Variants in DLGAP1 observed in about 807,000 individuals in gnomAD.
The protein encoded by DLGAP1 is DLG associated protein 1, also known as disks large-associated protein 1.
DLGAP1 carries 11 observed loss-of-function variants against 90.8 expected under a neutral mutation model. The observed-to-expected ratio is 0.12, with a 90% confidence interval of 0.08 to 0.20. The LOEUF is 0.20. DLGAP1 is among the 10% of genes least tolerant of loss of function. DLGAP1 has a pLI of 1.00. For synonymous variants in DLGAP1, 558 were observed against 540.7 expected (o/e 1.03, Z -0.44); for missense variants, 1,050 against 1,333.8 (o/e 0.79, Z 3.31).
intron 3 of DLGAP1, among the ~76,000 whole-genome samples, chr18:3,933,156 G>C (rs571139634): frequency 9.4e-4 from 143 of 152,274 alleles, no homozygotes; most frequent in African/African-American, 3.4e-3. Flanking sequence ...TATAGACTTA[G>C]GACTTCTAAC....
At chr18:4,245,852 GCTTGGGGACAGGGCCCCGACTCAT>G (rs1418790629) in intron 1 of DLGAP1, among the ~76,000 whole-genome samples, 71 of 151,736 alleles carry the variant, frequency 4.7e-4, no homozygotes, top group Admixed American at 1.2e-3. Flanking sequence ...AAAGCCAAGG[GCTTGGGGACAGGGCCCCGACTCAT>G]CTTGGGGACA....
chr18:4,312,693 C>T lies in DLGAP1; in HGVS notation c.-267+142313G>A, dbSNP rs189445769. ...ACATAATTGTAGCATTTTATCATTACATTTATCTGTCAGTTTTATTTTACC... is the reference window on the plus strand; with the variant it reads ...ACATAATTGTAGCATTTTATCATTATATTTATCTGTCAGTTTTATTTTACC... On this transcript the variant is annotated intron_variant, in intron 1 of 12. Coordinates refer to ENST00000315677, the MANE Select transcript of DLGAP1 (RefSeq NM_004746.4). 1.5e-4 allele frequency among the ~76,000 whole-genome samples: 23 copies of T among 152,220 alleles called. No homozygotes were observed. In the East Asian group the frequency reaches 4.4e-3, roughly 29 times the overall value.
In DLGAP1 at chr18:3,698,552, TCTG is replaced by T. The variant is rs200094495; in HGVS notation, c.1591+30580_1591+30582del. Among the ~76,000 whole-genome samples the T allele has an allele frequency of 4.3e-3, 662 of 152,314 alleles. 10 individuals are homozygous for T. The highest frequency in any genetic ancestry group is 0.015 in the African/African-American group (640 of 41,570). ...GGCTTGTAGGGTTTCTGCAGAGAGA[TCTG>T]CTGTTAGTCTGATGGGCTTCCCTTT... is the stretch of plus-strand genomic sequence containing the variant. On this transcript the variant is annotated intron_variant, in intron 7 of 12. Coordinates refer to ENST00000315677, the MANE Select transcript of DLGAP1 (RefSeq NM_004746.4).
intron 7 of DLGAP1, among the ~76,000 whole-genome samples, chr18:3,652,834 A>G (rs1392924885): frequency 6.6e-6 from 1 of 152,200 alleles, no homozygotes; most frequent in African/African-American, 2.4e-5. Flanking sequence ...CACAGAACAC[A>G]TGCTGCTTAT....
chr18:4,285,976 C>T lies in DLGAP1; in HGVS notation c.-266-134689G>A, dbSNP rs112246650. ...GATGACTTTTAAAGTAGCCTGGTCC[C>T]GGACTGATAGTAAAATTACCCCACT... On this transcript the variant is annotated intron_variant, in intron 1 of 12. Transcript: ENST00000315677. 2.1e-3 allele frequency among the ~76,000 whole-genome samples: 315 copies of T among 152,224 alleles called. 2 individuals are homozygous for T. Among genetic ancestry groups the T allele is most frequent in the African/African-American group, 7.1e-3 (295 of 41,542 alleles).
chr18:3,685,784 T>G (rs1396176944), intron 7 of DLGAP1, among the ~76,000 whole-genome samples: 1 of 152,058 alleles, frequency 6.6e-6, no homozygotes, highest in Non-Finnish European at 1.5e-5. Flanking sequence ...AAGACAAGAA[T>G]AAACCAAGAA....
Position 3,761,622 on chromosome 18 carries a change from C to T in DLGAP1, c.1173-19110G>A, listed in dbSNP as rs375094439. Reference sequence around the variant, plus strand: ...ACGGAGTCTCACTCTGTTGCCCAGGCTGGAGTGCAGTGGCGTGATCTAGGC... The same window carrying T: ...ACGGAGTCTCACTCTGTTGCCCAGGTTGGAGTGCAGTGGCGTGATCTAGGC... On this transcript the variant is annotated intron_variant, in intron 5 of 12. Transcript: ENST00000315677. 2.6e-5 allele frequency among the ~76,000 whole-genome samples: 4 copies of T among 151,326 alleles called. No homozygotes were observed. The East Asian group carries it at 7.8e-4, about 29-fold the overall frequency.
At chr18:4,340,776 T>C (rs2081172283) in intron 1 of DLGAP1, among the ~76,000 whole-genome samples, 2 of 152,200 alleles carry the variant, frequency 1.3e-5, no homozygotes, top group Non-Finnish European at 2.9e-5. Flanking sequence ...AAGATATTTG[T>C]GCATCCACTT....
At chr18:4,174,353 G>A (rs758671722) in intron 1 of DLGAP1, among the ~76,000 whole-genome samples, 2 of 151,476 alleles carry the variant, frequency 1.3e-5, no homozygotes, top group South Asian at 2.1e-4. Flanking sequence ...TTATTTTTTC[G>A]AGACGGAGTC....
intron 1 of DLGAP1, among the ~76,000 whole-genome samples, chr18:4,200,077 T>A (rs1165641534): frequency 6.6e-6 from 1 of 152,180 alleles, no homozygotes; most frequent in Non-Finnish European, 1.5e-5. Flanking sequence ...TTATCTTGTG[T>A]CTAGTCTGCT....
intron 7 of DLGAP1, among the ~76,000 whole-genome samples, chr18:3,662,320 C>A (rs1881868274): frequency 1.3e-5 from 2 of 152,090 alleles, no homozygotes; most frequent in African/African-American, 4.8e-5. Context: ...AAGGATGTAC[C>A]TCATAGAGTT....
chr18:4,216,917 AC>A (rs1222348000), intron 1 of DLGAP1, among the ~76,000 whole-genome samples: 1 of 152,102 alleles, frequency 6.6e-6, no homozygotes, highest in Non-Finnish European at 1.5e-5. Context: ...ATGAGGATTC[AC>A]CGTTTGTGTT....
chr18:4,175,410 T>C (rs962673367), intron 1 of DLGAP1, among the ~76,000 whole-genome samples: 3 of 152,356 alleles, frequency 2.0e-5, no homozygotes, highest in Admixed American at 2.0e-4. Flanking sequence ...GTGCAGAAGC[T>C]CTTCAGTTTA....
intron 3 of DLGAP1, among the ~76,000 whole-genome samples, chr18:3,994,192 G>C (rs922646673): frequency 1.3e-5 from 2 of 152,150 alleles, no homozygotes; most frequent in African/African-American, 4.8e-5. Context: ...TGCCGAGGGT[G>C]GGGGAGACAG....
intron 2 of DLGAP1, among the ~76,000 whole-genome samples, chr18:4,147,567 A>T (rs911032878): frequency 2.8e-5 from 4 of 142,578 alleles, no homozygotes; most frequent in African/African-American, 1.1e-4. Context: ...CTGTTCATCC[A>T]TTCTTCCATC....
intron 7 of DLGAP1, among the ~76,000 whole-genome samples, chr18:3,592,296 T>C (rs527954846): frequency 6.6e-6 from 1 of 152,252 alleles, no homozygotes; most frequent in Non-Finnish European, 1.5e-5. Flanking sequence ...CCCATAGTTG[T>C]GCACTTAACA....
chr18:3,560,323 G>A (rs148854130), intron 9 of DLGAP1, among the ~76,000 whole-genome samples: 7,174 of 151,420 alleles, frequency 0.047, 236 homozygotes, highest in Middle Eastern at 0.072. Flanking sequence ...GTAGGCTGAG[G>A]CAGGAGAATC....
At chr18:3,628,387 A>T (rs1476140685) in intron 7 of DLGAP1, among the ~76,000 whole-genome samples, 1 of 149,052 alleles carries the variant, frequency 6.7e-6, no homozygotes, top group East Asian at 2.0e-4. Context: ...ACGAGGTTTG[A>T]CCATGTCCGC....
chr18:3,830,821 T>C (rs2067992944), intron 4 of DLGAP1, among the ~76,000 whole-genome samples: 1 of 152,220 alleles, frequency 6.6e-6, no homozygotes, highest in Admixed American at 6.5e-5. Context: ...GATGATGTCA[T>C]TTGTCTGGCA....
Sources: allele counts gnomAD v4.1 joint callset (sites outside exome capture counted in the v4.1 genomes callset), GRCh38; gene constraint gnomAD v4.1.1; transcripts MANE v1.5; gene names NCBI Gene and HGNC (gene_info 2026-07-23, HGNC 2026-07-21).